Variants in RALYL observed in about 807,000 individuals in gnomAD.
RALYL encodes the protein RNA-binding Raly-like protein.
Under a neutral mutation model 35.1 loss-of-function variants are expected in RALYL, and 29 were observed. That is an observed-to-expected ratio of 0.83 (90% CI 0.61 to 1.13). The LOEUF (loss-of-function observed/expected upper bound fraction) is 1.13. Ranked by LOEUF, RALYL falls within the 50% of genes most tolerant of loss-of-function variation. The probability of loss-of-function intolerance (pLI) is 0.00; values close to 1 mark genes in which losing one functional copy is unlikely to be tolerated. For synonymous variants in RALYL, 120 were observed against 127.6 expected (o/e 0.94, Z 0.40); for missense variants, 359 against 360.4 (o/e 1.00, Z 0.03).
chr8:84,761,882 C>T (rs536840836), intron 2 of RALYL, among the ~76,000 whole-genome samples: 8 of 152,068 alleles, frequency 5.3e-5, no homozygotes, highest in East Asian at 1.9e-4. Context: ...CATTCAAGAA[C>T]GGTAAGGGGG....
intron 4 of RALYL, among the ~76,000 whole-genome samples, chr8:84,825,122 C>T (rs1829389250): frequency 6.6e-6 from 1 of 152,024 alleles, no homozygotes; most frequent in African/African-American, 2.4e-5. Context: ...TGCTAATATC[C>T]AGAATCTTTA....
chr8:84,813,675 G>GTATT (rs1048214302), intron 4 of RALYL, among the ~76,000 whole-genome samples: 1 of 152,164 alleles, frequency 6.6e-6, no homozygotes, highest in African/African-American at 2.4e-5. Context: ...GTGTCTTAAA[G>GTATT]TATTTGTTAA....
chr8:84,682,326 CT>C (rs1250848076), intron 2 of RALYL, among the ~76,000 whole-genome samples: 1 of 152,114 alleles, frequency 6.6e-6, no homozygotes, highest in Non-Finnish European at 1.5e-5. Flanking sequence ...CTCTGCCAGG[CT>C]TTGGTATCAG....
rs571996116 is a variant in RALYL, at chr8:84,396,115, T to G, written c.-23-133184T>G. ...TAATTTTTTTCAAAAACTTATATTG[T>G]TTATAAACTCAGCAAGTCTTCAGAA... On this transcript the variant is annotated intron_variant, in intron 1 of 8. Coordinates refer to ENST00000521268, the MANE Select transcript of RALYL (RefSeq NM_173848.7). 3.3e-5 allele frequency among the ~76,000 whole-genome samples: 5 copies of G among 152,152 alleles called. No homozygotes were observed. The South Asian group carries it at 1.0e-3, about 31-fold the overall frequency.
chr8:84,545,111 A>G (rs939048329), intron 2 of RALYL, among the ~76,000 whole-genome samples: 2 of 152,090 alleles, frequency 1.3e-5, no homozygotes, highest in East Asian at 1.9e-4. Flanking sequence ...CTGATATGCA[A>G]TATAAGAAAT....
chr8:84,212,202 A>T (rs1338248164), intron 1 of RALYL, among the ~76,000 whole-genome samples: 2 of 152,180 alleles, frequency 1.3e-5, no homozygotes, highest in Non-Finnish European at 2.9e-5. Context: ...TTTGTGTAAA[A>T]CATATTTTCT....
At chr8:84,314,580 G>A (rs73306931) in intron 1 of RALYL, among the ~76,000 whole-genome samples, 6,993 of 152,076 alleles carry the variant, frequency 0.046, 528 homozygotes, top group African/African-American at 0.16. Flanking sequence ...TAAAAAAATA[G>A]TTGAGCATTG....
At chr8:84,472,800 A>C (rs2133739328) in intron 1 of RALYL, among the ~76,000 whole-genome samples, 1 of 152,272 alleles carries the variant, frequency 6.6e-6, no homozygotes, top group Non-Finnish European at 1.5e-5. Context: ...TACTTTTTCA[A>C]AATCTTCCCT....
chr8:84,376,347 T>C lies in RALYL; in HGVS notation c.-23-152952T>C, dbSNP rs557788301. On this transcript the variant is annotated intron_variant, in intron 1 of 8. Coordinates refer to ENST00000521268, the MANE Select transcript of RALYL (RefSeq NM_173848.7). ...CCAGGTATGTCAGAAATATTTCAAG[T>C]GGATCTGAGTGAAGAAATAAAATTG... Among the ~76,000 whole-genome samples, 13 of 151,968 alleles carry C rather than the reference T, an allele frequency of 8.6e-5. No homozygotes were observed. In the South Asian group the frequency reaches 1.9e-3, roughly 22 times the overall value.
intron 3 of RALYL, among the ~76,000 whole-genome samples, chr8:84,780,379 A>G (rs1817858792): frequency 1.3e-5 from 2 of 152,178 alleles, no homozygotes; most frequent in South Asian, 4.1e-4. Flanking sequence ...CAACCAAATT[A>G]CTAATGTATG....
chr8:84,184,774 G>A (rs1241208660), intron 1 of RALYL: 2 of 479,096 alleles, frequency 4.2e-6, no homozygotes, highest in Admixed American at 7.3e-5. Context: ...TTCTCCGAGG[G>A]CCACTTGCAC....
At chr8:84,455,328 A>G (rs1265689224) in intron 1 of RALYL, among the ~76,000 whole-genome samples, 1 of 152,062 alleles carries the variant, frequency 6.6e-6, no homozygotes, top group African/African-American at 2.4e-5. Flanking sequence ...TGTGGAATAC[A>G]AAACCAGAAA....
chr8:84,872,967 T>C (rs929425221), intron 6 of RALYL: 1 of 203,902 alleles, frequency 4.9e-6, no homozygotes. Flanking sequence ...ACATTGAAGA[T>C]TTACTCTATT....
chr8:84,351,995 T>C lies in RALYL; in HGVS notation c.-24+167571T>C, dbSNP rs140131183. On this transcript the variant is annotated intron_variant, in intron 1 of 8. Transcript: ENST00000521268. The stretch of plus-strand genomic sequence containing the variant: ...GTAATTGTGAATTTTTAGATGGAAA[T>C]ATATGTGTGTAAACCTGAATCTTAC... 6.1e-4 allele frequency among the ~76,000 whole-genome samples: 91 copies of C among 150,408 alleles called. No homozygotes were observed. The East Asian group carries it at 0.016, about 27-fold the overall frequency.
At chr8:84,326,387 A>G (rs1489421168) in intron 1 of RALYL, among the ~76,000 whole-genome samples, 1 of 152,120 alleles carries the variant, frequency 6.6e-6, no homozygotes, top group Non-Finnish European at 1.5e-5. Flanking sequence ...TACTGTCCCA[A>G]TTGAACTGTT....
chr8:84,442,078 C>A (rs1480118379), intron 1 of RALYL, among the ~76,000 whole-genome samples: 1 of 151,996 alleles, frequency 6.6e-6, no homozygotes, highest in Admixed American at 6.6e-5. Context: ...TAACAGGGAG[C>A]ACCAACAAAG....
intron 1 of RALYL, among the ~76,000 whole-genome samples, chr8:84,193,053 CTA>C (rs1320673667): frequency 3.9e-5 from 6 of 151,932 alleles, no homozygotes; most frequent in African/African-American, 1.5e-4. Context: ...GTTGAATAGT[CTA>C]TTAGTTGCCA....
chr8:84,461,799 T>G (rs1176175959), intron 1 of RALYL, among the ~76,000 whole-genome samples: 2 of 151,718 alleles, frequency 1.3e-5, no homozygotes, highest in Non-Finnish European at 3.0e-5. Context: ...AGCAGTAAGA[T>G]TACATATAAG....
At chr8:84,530,670 C>T (rs2059220529) in intron 2 of RALYL, among the ~76,000 whole-genome samples, 1 of 152,096 alleles carries the variant, frequency 6.6e-6, no homozygotes, top group African/African-American at 2.4e-5. Context: ...TCTTTTTACT[C>T]TTGCCAGAGT....
Sources: allele counts gnomAD v4.1 joint callset (sites outside exome capture counted in the v4.1 genomes callset), GRCh38; gene constraint gnomAD v4.1.1; transcripts MANE v1.5; gene names NCBI Gene and HGNC (gene_info 2026-07-23, HGNC 2026-07-21).